The following EPHA3 variants were observed in gnomAD, a reference collection of about 807,000 sequenced individuals.
The protein encoded by EPHA3 is ephrin type-A receptor 3.
EPHA3 carries 42 observed loss-of-function variants against 107.1 expected under a neutral mutation model. That is an observed-to-expected ratio of 0.39 (90% CI 0.31 to 0.51). The LOEUF (loss-of-function observed/expected upper bound fraction) is 0.51, where lower values mean the gene tolerates loss of function less well. Among genes scored for constraint, EPHA3 ranks in the 20% least tolerant of loss-of-function variants. The pLI, the probability that EPHA3 is intolerant of heterozygous loss-of-function variation, is 0.78. For missense variants in EPHA3, 1,183 were observed against 1,211.2 expected (o/e 0.98, Z 0.35); for synonymous variants, 461 against 424.8 (o/e 1.09, Z -1.05).
chr3:89,287,052 A>C (rs1473596728), intron 3 of EPHA3, among the ~76,000 whole-genome samples: 1 of 152,188 alleles, frequency 6.6e-6, no homozygotes, highest in Non-Finnish European at 1.5e-5. Context: ...GACTACTGGC[A>C]AGTCCTCCAA....
At chr3:89,262,855 G>A (rs1179353852) in intron 3 of EPHA3, among the ~76,000 whole-genome samples, 2 of 151,762 alleles carry the variant, frequency 1.3e-5, no homozygotes, top group Non-Finnish European at 2.9e-5. Flanking sequence ...AGGAGCCACA[G>A]CAAGCCCTTT....
At chr3:89,198,725 G>A (rs754497807) in intron 2 of EPHA3, among the ~76,000 whole-genome samples, 3 of 152,106 alleles carry the variant, frequency 2.0e-5, no homozygotes, top group African/African-American at 4.8e-5. Context: ...TTTCATTTCC[G>A]TCACCGGGAG....
intron 2 of EPHA3, among the ~76,000 whole-genome samples, chr3:89,147,107 T>C (rs1162282783): frequency 6.6e-6 from 1 of 151,864 alleles, no homozygotes. Flanking sequence ...ACACCACATG[T>C]TATCATTCAT....
chr3:89,160,535 G>A (rs1029516800), intron 2 of EPHA3, among the ~76,000 whole-genome samples: 15 of 134,854 alleles, frequency 1.1e-4, no homozygotes, highest in African/African-American at 4.2e-4. Context: ...TCAGAGAAAA[G>A]TAATATTAGA....
intron 15 of EPHA3, among the ~76,000 whole-genome samples, chr3:89,458,006 G>A (rs910497466): frequency 6.6e-6 from 1 of 152,146 alleles, no homozygotes; most frequent in Non-Finnish European, 1.5e-5. Context: ...GACAGTGGTA[G>A]GAAGAACAGA....
At chr3:89,216,913 C>T (rs1704234245) in intron 3 of EPHA3, among the ~76,000 whole-genome samples, 1 of 152,064 alleles carries the variant, frequency 6.6e-6, no homozygotes, top group South Asian at 2.1e-4. Flanking sequence ...GAATAAAACC[C>T]TATGCAAAAT....
At chr3:89,152,501 G>A (rs1034734171) in intron 2 of EPHA3, among the ~76,000 whole-genome samples, 1 of 151,892 alleles carries the variant, frequency 6.6e-6, no homozygotes, top group South Asian at 2.1e-4. Context: ...GACCTAAAAC[G>A]TTCATACTGT....
chr3:89,380,353 C>T (rs1297220301), intron 5 of EPHA3, among the ~76,000 whole-genome samples: 1 of 152,142 alleles, frequency 6.6e-6, no homozygotes, highest in Non-Finnish European at 1.5e-5. Context: ...TGAATCCATA[C>T]ACATATATAT....
chr3:89,226,956 G>A (rs899528952), intron 3 of EPHA3, among the ~76,000 whole-genome samples: 15 of 152,026 alleles, frequency 9.9e-5, no homozygotes, highest in Admixed American at 9.2e-4. Flanking sequence ...ATGGTGATGT[G>A]TCTATGAATA....
At chr3:89,318,897 A>G (rs1335119388) in intron 3 of EPHA3, among the ~76,000 whole-genome samples, 1 of 151,920 alleles carries the variant, frequency 6.6e-6, no homozygotes, top group East Asian at 1.9e-4. Context: ...ACACACACAC[A>G]TCCTTCCCCA....
intron 5 of EPHA3, among the ~76,000 whole-genome samples, chr3:89,372,136 T>G (rs1468831082): frequency 6.6e-6 from 1 of 151,666 alleles, no homozygotes; most frequent in Non-Finnish European, 1.5e-5. Flanking sequence ...CATTGACATT[T>G]GCCCATCTTG....
chr3:89,415,594 C>A (rs1709231689), intron 10 of EPHA3, among the ~76,000 whole-genome samples: 1 of 149,866 alleles, frequency 6.7e-6, no homozygotes, highest in East Asian at 2.0e-4. Context: ...TATACTTATA[C>A]TATAAATGAT....
At chr3:89,132,548 T>A (rs1704228929) in intron 2 of EPHA3, among the ~76,000 whole-genome samples, 1 of 152,214 alleles carries the variant, frequency 6.6e-6, no homozygotes, top group South Asian at 2.1e-4. Flanking sequence ...ATTCTATCTC[T>A]ACCACTTATT....
At chr3:89,450,473 G>T in intron 15 of EPHA3, 103 bp downstream of exon 15, 1 of 1,110,118 alleles carries the variant, frequency 9.0e-7, no homozygotes, top group Non-Finnish European at 1.3e-6. Context: ...ATTATTTGAA[G>T]CTTGTATTCC....
rs569850885 is a variant in EPHA3, at chr3:89,175,839, G to C, written c.154-34021G>C. On this transcript the variant is annotated intron_variant, in intron 2 of 16. Transcript: ENST00000336596. Reference sequence around the variant, plus strand: ...AGCATTGAAAAAGGAAGGAGGAAGAGGAGAGAGAAGGGCAAAAACATCCTA... The same window carrying C: ...AGCATTGAAAAAGGAAGGAGGAAGACGAGAGAGAAGGGCAAAAACATCCTA... Among the ~76,000 whole-genome samples the C allele has an allele frequency of 1.4e-3, 209 of 152,200 alleles. 2 individuals are homozygous for C. Among genetic ancestry groups the C allele is most frequent in the African/African-American group, 4.7e-3 (195 of 41,534 alleles).
chr3:89,455,309 C>T (rs151242841), intron 15 of EPHA3, among the ~76,000 whole-genome samples: 4 of 152,118 alleles, frequency 2.6e-5, no homozygotes, highest in Admixed American at 1.3e-4. Context: ...AGCTGTGTAA[C>T]CTCCTCCTCA....
At chr3:89,302,699 A>G (rs1706520147) in intron 3 of EPHA3, among the ~76,000 whole-genome samples, 1 of 152,162 alleles carries the variant, frequency 6.6e-6, no homozygotes, top group South Asian at 2.1e-4. Context: ...TTCTGAATTT[A>G]GAATCCATAG....
intron 16 of EPHA3, among the ~76,000 whole-genome samples, chr3:89,476,830 G>A (rs1216008331): frequency 6.6e-6 from 1 of 151,696 alleles, no homozygotes; most frequent in Non-Finnish European, 1.5e-5. Context: ...GGATGGTCTT[G>A]CTCTCCTGAC....
chr3:89,163,323 A>G (rs1453153397), intron 2 of EPHA3, among the ~76,000 whole-genome samples: 2 of 152,164 alleles, frequency 1.3e-5, no homozygotes, highest in East Asian at 1.9e-4. Context: ...TAAAATTGAT[A>G]TTAACTTGAT....
Sources: gnomAD v4.1 joint callset for allele counts (sites outside exome capture counted in the v4.1 genomes callset) on GRCh38, gnomAD v4.1.1 for gene constraint, MANE v1.5 for transcripts, NCBI Gene and HGNC (gene_info 2026-07-23, HGNC 2026-07-21) for gene names.